TNFRSF10D: variants seen among roughly 807,000 people sequenced by gnomAD.
TNFRSF10D encodes TNF receptor superfamily member 10d.
Under a neutral mutation model 42.1 loss-of-function variants are expected in TNFRSF10D, and 28 were observed. The observed-to-expected ratio is 0.66, with a 90% confidence interval of 0.49 to 0.91. TNFRSF10D has a LOEUF of 0.91. Among genes scored for constraint, TNFRSF10D ranks in the 40% least tolerant of loss-of-function variants. The pLI is 0.00. For missense variants in TNFRSF10D, 503 were observed against 486.1 expected (o/e 1.03, Z -0.33); for synonymous variants, 186 against 189.4 (o/e 0.98, Z 0.15).
chr8:23,163,499 C>G (rs1800405323), intron 1 of TNFRSF10D, among the ~76,000 whole-genome samples: 2 of 152,198 alleles, frequency 1.3e-5, no homozygotes, highest in Admixed American at 6.5e-5. Context: ...CATCTTGACT[C>G]CCTCCCTCCG....
At chr8:23,150,823 A>G (rs1315815086) in intron 2 of TNFRSF10D, among the ~76,000 whole-genome samples, 1 of 152,184 alleles carries the variant, frequency 6.6e-6, no homozygotes, top group East Asian at 1.9e-4. Flanking sequence ...AGAATCAGTG[A>G]GCTTGAAAAC....
At chr8:23,148,690 A>G (rs540189634) in intron 2 of TNFRSF10D, 139 bp from the exon 3 acceptor site, 17 of 570,332 alleles carry the variant, frequency 3.0e-5, no homozygotes, top group East Asian at 6.4e-5. Context: ...CTTGTCATCA[A>G]TTCTGCATCT....
intron 4 of TNFRSF10D, 76 bp from the exon 5 acceptor site, chr8:23,145,997 C>T (rs1269297928): frequency 6.2e-7 from 1 of 1,604,382 alleles, no homozygotes; most frequent in Non-Finnish European, 8.5e-7. Flanking sequence ...GAGCCACCCT[C>T]CCTGCCCAAA....
chr8:23,143,527 TTTA>T (rs1333780576), intron 7 of TNFRSF10D, among the ~76,000 whole-genome samples: 931 of 152,176 alleles, frequency 6.1e-3, no homozygotes, highest in African/African-American at 0.019. Context: ...ATATTTTTTG[TTTA>T]TTTCCTTACC....
chr8:23,152,099 A>C (rs1300239524), intron 2 of TNFRSF10D, among the ~76,000 whole-genome samples: 2 of 151,916 alleles, frequency 1.3e-5, no homozygotes, highest in Non-Finnish European at 2.9e-5. Flanking sequence ...AGTTATCTCT[A>C]CTCTTTAGGA....
At position 23,138,257 on chromosome 8, in the gene TNFRSF10D, G is replaced by GT. The variant is rs1563353332; in HGVS notation, c.957dup (p.Gln320ThrfsTer5). 1 of 1,614,212 alleles carries GT rather than the reference G, an allele frequency of 6.2e-7. No individual in the cohort carries two copies. The highest frequency in any genetic ancestry group is 2.2e-5 in the East Asian group (1 of 44,884). Reference sequence around the variant, plus strand: ...CTCTGACACCCTTCAGCTTCTGCCTGTTCCTGTAACACACAGTGGGGAATG... The same window carrying GT: ...CTCTGACACCCTTCAGCTTCTGCCTGTTTCCTGTAACACACAGTGGGGAATG... On this transcript the variant is annotated frameshift_variant, in exon 8 of 9. Transcript: ENST00000312584. LOFTEE classifies it high-confidence loss of function.
intron 1 of TNFRSF10D, 57 bp downstream of exon 1, chr8:23,163,729 C>T (rs1019947520): frequency 6.4e-5 from 101 of 1,581,370 alleles, no homozygotes; most frequent in Non-Finnish European, 8.6e-5. Flanking sequence ...TCTCTCCCTG[C>T]CCACTCCCGG....
At position 23,136,330 on chromosome 8, in the gene TNFRSF10D, T is replaced by C. The variant is rs28533900; in HGVS notation, c.*1540A>G. On this transcript the variant is annotated 3_prime_UTR_variant, in exon 9 of 9. Transcript: ENST00000312584. ...ATTGATATCTCTGAGATGAGTCAGA[T>C]GCTTACAGAGGGGCCAAGCTCCTCA... 31,436 of 209,826 alleles carry C rather than the reference T, an allele frequency of 0.15. 2,856 individuals carry two copies. The highest frequency in any genetic ancestry group is 0.32 in the East Asian group (1,994 of 6,250). 13.0% of individuals were successfully genotyped at this position (209,826 alleles called of 1,614,324 possible).
chr8:23,145,668 C>G lies in TNFRSF10D; in HGVS notation c.736G>C (p.Gly246Arg). ...FISYLKGICS[G>R]GGGGPERVHR... ...GCTCCCACCCTCAGCCAGCACCTAC[C>G]TGAGCAGATGCCTTTGAGGTAAGAA... Residue 246 changes from glycine to arginine, a missense_variant and splice_region_variant, in exon 5 of 9, where the codon GGT becomes CGT. Physicochemically the swap from Gly to Arg is moderately radical, Grantham distance 125. Transcript: ENST00000312584. The G allele has an allele frequency of 6.2e-7, 1 of 1,614,020 alleles. No individual in the cohort carries two copies.
chr8:23,147,345 C>T (rs1274259943), intron 3 of TNFRSF10D, among the ~76,000 whole-genome samples: 6 of 152,240 alleles, frequency 3.9e-5, no homozygotes, highest in Non-Finnish European at 7.3e-5. Context: ...GGCGCAAGGG[C>T]ATCACCTGAG....
At chr8:23,142,257 C>T (rs1011275671) in intron 7 of TNFRSF10D, among the ~76,000 whole-genome samples, 2 of 147,156 alleles carry the variant, frequency 1.4e-5, no homozygotes, top group African/African-American at 2.5e-5. Flanking sequence ...GGTGACAGAG[C>T]GAGACTCCCT....
chr8:23,139,990 C>T (rs910148771), intron 7 of TNFRSF10D, among the ~76,000 whole-genome samples: 4 of 151,746 alleles, frequency 2.6e-5, no homozygotes, highest in Non-Finnish European at 5.9e-5. Context: ...CTAAAGAATA[C>T]AAAAATTAAC....
At chr8:23,147,150 C>T in intron 3 of TNFRSF10D, 78 bp from the exon 4 acceptor site, 1 of 1,219,430 alleles carries the variant, frequency 8.2e-7, no homozygotes, top group African/African-American at 1.5e-5. Flanking sequence ...CCCATCCCCT[C>T]CCACTCAGCT....
chr8:23,136,001 A>G lies in TNFRSF10D; in HGVS notation c.*1869T>C. On this transcript the variant is annotated 3_prime_UTR_variant, in exon 9 of 9. Transcript: ENST00000312584. ...AGAGGATGGAAGTGCGAAGACCGGAAAGGCCATCCCCTCCTAAAACTCCAT... is the reference window on the plus strand; with the variant it reads ...AGAGGATGGAAGTGCGAAGACCGGAGAGGCCATCCCCTCCTAAAACTCCAT... The G allele has an allele frequency of 2.3e-6, 1 of 438,002 alleles. No homozygotes were observed. The highest frequency in any genetic ancestry group is 1.6e-5 in the South Asian group (1 of 61,356). The allele number at this position is 438,002 out of a possible 1,614,324, so 27.1% of individuals were successfully genotyped here. A position where few individuals can be genotyped will look rare whatever the true frequency, so the allele number is the denominator to read the frequency against.
At chr8:23,157,601 G>A (rs965498308) in intron 1 of TNFRSF10D, among the ~76,000 whole-genome samples, 1 of 152,024 alleles carries the variant, frequency 6.6e-6, no homozygotes, top group Non-Finnish European at 1.5e-5. Flanking sequence ...CTTTACCGGG[G>A]TTTTCATCTG....
intron 2 of TNFRSF10D, among the ~76,000 whole-genome samples, chr8:23,149,443 T>C (rs1800184668): frequency 6.6e-6 from 1 of 151,736 alleles, no homozygotes; most frequent in Non-Finnish European, 1.5e-5. Context: ...ATCATCATAT[T>C]GGCCAGGCTG....
In TNFRSF10D at chr8:23,144,588, C is replaced by T. The variant is rs776361997; in HGVS notation, c.816G>A (p.Glu272=). The T allele has an allele frequency of 3.1e-6, 5 of 1,614,034 alleles. No homozygotes were observed. The South Asian group carries it at 3.3e-5, about 11-fold the overall frequency. The part of the protein sequence containing the change: ...RSCPSRVPGA[E]DNARNETLSN... ...TCAGGGTCTCGTTGCGGGCATTGTC[C>T]TCCGCCCCAGGAACTCGTGAAGGAC... The change falls in exon 7 of 9, where the codon GAG becomes GAA. Residue 272 remains glutamate (E), a synonymous_variant. Coordinates refer to ENST00000312584, the MANE Select transcript of TNFRSF10D (RefSeq NM_003840.5).
intron 6 of TNFRSF10D, 85 bp downstream of exon 6, chr8:23,144,973 G>C: frequency 6.3e-7 from 1 of 1,587,830 alleles, no homozygotes; most frequent in African/African-American, 1.3e-5. Context: ...TGAGGACAAG[G>C]GATTGTGCCC....
chr8:23,159,769 A>G (rs1800337234), intron 1 of TNFRSF10D, among the ~76,000 whole-genome samples: 1 of 152,206 alleles, frequency 6.6e-6, no homozygotes, highest in Non-Finnish European at 1.5e-5. Context: ...AGGCTGAAGC[A>G]GGAGAATCGC....
Sources: gnomAD v4.1 joint callset for allele counts (sites outside exome capture counted in the v4.1 genomes callset) on GRCh38, gnomAD v4.1.1 for gene constraint, MANE v1.5 for transcripts, NCBI Gene and HGNC (gene_info 2026-07-23, HGNC 2026-07-21) for gene names.